Variants in A2ML1 observed in about 807,000 individuals in gnomAD.
A2ML1 encodes the protein alpha-2-macroglobulin like 1.
A2ML1 carries 161 observed loss-of-function variants against 181.9 expected under a neutral mutation model. The ratio of observed to expected loss-of-function variants is 0.89; its 90% confidence interval spans 0.78 to 1.01. The LOEUF is 1.01. A2ML1 is among the 50% of genes least tolerant of loss of function. A2ML1 has a pLI of 0.00. For synonymous variants in A2ML1, 663 were observed against 666.8 expected (o/e 0.99, Z 0.09); for missense variants, 1,670 against 1,768.1 (o/e 0.94, Z 1.00).
rs146729547 is a variant in A2ML1 at position 8,868,180 on chromosome 12, C to A, written c.3934-50C>A. On this transcript the variant is annotated intron_variant, in intron 30 of 35. Transcript: ENST00000299698. ...AGAAAAGTAGTTTGAACTGTACAAT[C>A]TTTAAAGTTCTTTCCAAGTCTGATT... is the stretch of plus-strand genomic sequence containing the variant. The A allele has an allele frequency of 4.5e-5, 73 of 1,612,130 alleles. No homozygotes were observed. In the East Asian group the frequency reaches 1.5e-3, roughly 33 times the overall value.
chr12:8,884,475 A>G lies in A2ML1; in HGVS notation c.*95-2032A>G, dbSNP rs757598814. On this transcript the variant is annotated intron_variant and NMD_transcript_variant, in intron 7 of 7. Coordinates refer to the A2ML1 transcript ENST00000537475. ...GTCTGTTTTTCCCTTCTTTGTGTTC[A>G]TAAGTTCTTACCATTTAGCTCCCAC... Among the ~76,000 whole-genome samples, 19 of 151,748 alleles carry G rather than the reference A, an allele frequency of 1.3e-4. No individual in the cohort carries two copies. In the South Asian group the frequency reaches 1.5e-3, roughly 12 times the overall value.
intron 21 of A2ML1, 61 bp downstream of exon 21, chr12:8,854,310 G>A (rs1235917070): frequency 6.6e-7 from 1 of 1,523,354 alleles, no homozygotes; most frequent in Non-Finnish European, 8.8e-7. Context: ...ATCTCGTCTT[G>A]CTGTGAGTTA....
rs1353753128 is a variant in A2ML1, at chr12:8,846,210, C to T, written c.1671C>T (p.Cys557=). ...AAATTCAGTTCTCAGTCGAGATGTGCTTTGACAATCAGGTAAAATGATAGC... is the reference window on the plus strand; with the variant it reads ...AAATTCAGTTCTCAGTCGAGATGTGTTTTGACAATCAGGTAAAATGATAGC... The part of the protein sequence containing the change: ...ADKIQFSVEM[C]FDNQVSLGFS... The change falls in exon 14 of 36, where the codon TGC becomes TGT. Residue 557 remains cysteine (C), a synonymous_variant. Transcript: ENST00000299698. 6.2e-7 allele frequency: 1 copy of T among 1,614,074 alleles called. No homozygotes were observed. The highest frequency in any genetic ancestry group is 1.7e-5 in the Admixed American group (1 of 60,012).
In A2ML1 at chr12:8,850,162, G is replaced by A. The variant is rs1394300025; in HGVS notation, c.2122G>A (p.Gly708Ser). 1 of 1,602,746 alleles carries A rather than the reference G, an allele frequency of 6.2e-7. No homozygotes were observed. The highest frequency in any genetic ancestry group is 8.5e-7 in the Non-Finnish European group (1 of 1,176,862). ...TTTCGTATTCTCAATTTCATCAGCAGGCGGTGGTCATCCAGAGGCTTTTGA... is the reference window on the plus strand; with the variant it reads ...TTTCGTATTCTCAATTTCATCAGCAAGCGGTGGTCATCCAGAGGCTTTTGA... Reference protein sequence around the residue: ...SPEYSTAMGAGGGHPEAFESS... With the variant: ...SPEYSTAMGASGGHPEAFESS... The change falls in exon 18 of 36, where the codon GGC becomes AGC. Residue 708 changes from glycine (G) to serine (S), a missense_variant and splice_region_variant. Coordinates refer to ENST00000299698, the MANE Select transcript of A2ML1 (RefSeq NM_144670.6).
In A2ML1 at chr12:8,855,521, C is replaced by T. The variant is rs762101134; in HGVS notation, c.2777C>T (p.Ser926Phe). The change falls in exon 23 of 36, where the codon TCT (serine) becomes TTT (phenylalanine). Residue 926 changes from serine (S) to phenylalanine (F), a missense_variant. Coordinates refer to ENST00000299698, the MANE Select transcript of A2ML1 (RefSeq NM_144670.6). ...SLLCPKGKVA[S>F]ESVSLELPVD... Reference sequence around the variant, plus strand: ...CTGCATCTCACAGGAAAGGTGGCATCTGAATCTGTCTCCCTGGAGCTCCCA... The same window carrying T: ...CTGCATCTCACAGGAAAGGTGGCATTTGAATCTGTCTCCCTGGAGCTCCCA... 1.9e-6 allele frequency: 3 copies of T among 1,614,152 alleles called. No homozygotes were observed. The South Asian group carries it at 3.3e-5, about 18-fold the overall frequency.
In A2ML1 at chr12:8,857,563, G is replaced by T; in HGVS notation, c.3082G>T (p.Glu1028Ter). 1 of 1,611,744 alleles carries T rather than the reference G, an allele frequency of 6.2e-7. No individual in the cohort carries two copies. Reference sequence around the variant, plus strand: ...CAATGGCTCATACAGTGCCTTTGGGGAGCGAGATGGAAATGGAAACACATG... The same window carrying T: ...CAATGGCTCATACAGTGCCTTTGGGTAGCGAGATGGAAATGGAAACACATG... ...HSNGSYSAFG[E>*]RDGNGNTWLT... The change falls in exon 25 of 36, where the codon GAG (glutamate) becomes TAG (stop). Residue 1028 changes from glutamate (E) to a stop codon, truncating the protein, a stop_gained. Transcript: ENST00000299698. LOFTEE classifies it high-confidence loss of function.
chr12:8,865,215 TAAACAAAAACAAACAA>T lies in A2ML1; in HGVS notation c.3717+1214_3717+1229del, dbSNP rs1227668652. Among the ~76,000 whole-genome samples the T allele has an allele frequency of 1.4e-4, 2 of 13,828 alleles. 1 individual carries two copies. The highest frequency in any genetic ancestry group is 0.037 in the Non-Finnish European group (2 of 54). The allele number at this position is 13,828 out of a possible 152,430, so 9.1% of individuals were successfully genotyped here. ...CAGCACTCTGTGTCAACAACAACAA[TAAACAAAAACAAACAA>T]AAACAACAACAAACAAAAATTTTTT... is the stretch of plus-strand genomic sequence containing the variant. On this transcript the variant is annotated intron_variant, in intron 29 of 35. Coordinates refer to ENST00000299698, the MANE Select transcript of A2ML1 (RefSeq NM_144670.6).
chr12:8,877,143 T>C (rs114389699), downstream of A2ML1, among the ~76,000 whole-genome samples: 1,624 of 152,346 alleles, frequency 0.011, 37 homozygotes, highest in African/African-American at 0.038. Flanking sequence ...GGAATGCTTT[T>C]GTTTTGGAAA....
chr12:8,829,572 T>C lies in A2ML1; in HGVS notation c.410-155T>C, dbSNP rs570719109. Among the ~76,000 whole-genome samples, 39 of 151,494 alleles carry C rather than the reference T, an allele frequency of 2.6e-4. 1 individual carries two copies. The South Asian group carries it at 7.5e-3, about 29-fold the overall frequency. The stretch of plus-strand genomic sequence containing the variant: ...CCGGAGGCTGGGGTGGGAGAATCAC[T>C]TGAGCCCAGGAGTTTGAGGCTGAAG... On this transcript the variant is annotated intron_variant, in intron 3 of 35. Coordinates refer to ENST00000299698, the MANE Select transcript of A2ML1 (RefSeq NM_144670.6).
In A2ML1 at chr12:8,835,608, C is replaced by G. The variant is rs776510406; in HGVS notation, c.585C>G (p.Thr195=). ...FQLAPEAMLG[T]YTVAVAEGKT... is the part of the protein sequence containing the mutation. The stretch of plus-strand genomic sequence containing the variant: ...TGGCACCAGAGGCAATGCTGGGCAC[C>G]TACACTGTGGCAGTGGCTGAGGGCA... The change falls in exon 6 of 36, where the codon ACC becomes ACG. Residue 195 remains threonine (T), a synonymous_variant. Coordinates refer to ENST00000299698, the MANE Select transcript of A2ML1 (RefSeq NM_144670.6). 3 of 1,614,174 alleles carry G rather than the reference C, an allele frequency of 1.9e-6. No homozygotes were observed. Among genetic ancestry groups the G allele is most frequent in the Non-Finnish European group, 2.5e-6 (3 of 1,180,024 alleles).
intron 7 of A2ML1, among the ~76,000 whole-genome samples, chr12:8,882,870 G>A (rs1180895967): frequency 6.6e-6 from 1 of 152,104 alleles, no homozygotes; most frequent in Non-Finnish European, 1.5e-5. Context: ...GCTGTTAGGG[G>A]TAAAGTTCTA....
chr12:8,879,728 A>G (rs574141586), downstream of A2ML1, among the ~76,000 whole-genome samples: 14 of 152,202 alleles, frequency 9.2e-5, no homozygotes, highest in Non-Finnish European at 1.8e-4. Context: ...GAATATTCTT[A>G]TGCTTAAATT....
At chr12:8,831,757 G>GT (rs375149313) in intron 4 of A2ML1, among the ~76,000 whole-genome samples, 5,965 of 149,802 alleles carry the variant, frequency 0.04, 409 homozygotes, top group African/African-American at 0.14. Context: ...TTTTGTTTTT[G>GT]TTTTTTTTTG....
At position 8,844,914 on chromosome 12, in the gene A2ML1, T is replaced by G. The variant is rs941878914; in HGVS notation, c.1477-528T>G. 4 of 1,152,258 alleles carry G rather than the reference T, an allele frequency of 3.5e-6. No individual in the cohort carries two copies. The East Asian group carries it at 1.0e-4, about 29-fold the overall frequency. 71.4% of individuals were successfully genotyped at this position (1,152,258 alleles called of 1,614,324 possible). On this transcript the variant is annotated intron_variant, in intron 12 of 35. Coordinates refer to ENST00000299698, the MANE Select transcript of A2ML1 (RefSeq NM_144670.6). ...CCTGCAGGAGCGTGGGATGAGAGCC[T>G]GCTTGCAAACAAGATCACCGAGTTC... is the stretch of plus-strand genomic sequence containing the variant.
intron 4 of A2ML1, among the ~76,000 whole-genome samples, chr12:8,831,831 C>A (rs921528929): frequency 2.6e-5 from 4 of 151,978 alleles, no homozygotes; most frequent in Non-Finnish European, 4.4e-5. Context: ...CTCGCCGCAA[C>A]CTCTGCCTCC....
chr12:8,842,287 G>A (rs958940710), intron 11 of A2ML1, among the ~76,000 whole-genome samples: 4 of 150,590 alleles, frequency 2.7e-5, no homozygotes, highest in African/African-American at 4.9e-5. Context: ...GCGTGATCTC[G>A]GCTCACTGCA....
At chr12:8,854,011 A>G in intron 20 of A2ML1, 117 bp from the exon 21 acceptor site, 1 of 1,321,234 alleles carries the variant, frequency 7.6e-7, no homozygotes, top group South Asian at 2.0e-5. Flanking sequence ...ATGGCAGCAG[A>G]GTTTGCACTG....
At chr12:8,881,959 C>T (rs1374037085) in intron 7 of A2ML1, among the ~76,000 whole-genome samples, 1 of 151,074 alleles carries the variant, frequency 6.6e-6, no homozygotes, top group Non-Finnish European at 1.5e-5. Flanking sequence ...TGCAGTGAGC[C>T]GAGATTGCGC....
At chr12:8,842,352 G>A (rs893610422) in intron 11 of A2ML1, among the ~76,000 whole-genome samples, 1 of 151,750 alleles carries the variant, frequency 6.6e-6, no homozygotes. Flanking sequence ...CCGAGTAGCT[G>A]GGACTACAGG....
Sources: allele counts gnomAD v4.1 joint callset (sites outside exome capture counted in the v4.1 genomes callset), GRCh38; gene constraint gnomAD v4.1.1; transcripts MANE v1.5; gene names NCBI Gene and HGNC (gene_info 2026-07-23, HGNC 2026-07-21).